GPATCH2L: variants seen among roughly 807,000 people sequenced by gnomAD.
The protein encoded by GPATCH2L is G patch domain-containing protein 2-like.
GPATCH2L carries 31 observed loss-of-function variants against 57.4 expected under a neutral mutation model. That is an observed-to-expected ratio of 0.54 (90% CI 0.41 to 0.73). GPATCH2L has a LOEUF of 0.73. GPATCH2L is among the 30% of genes least tolerant of loss of function. The pLI, the probability that GPATCH2L is intolerant of heterozygous loss-of-function variation, is 0.00. For missense variants in GPATCH2L, 481 were observed against 599.9 expected, an observed-to-expected ratio of 0.80 and a Z score of 2.07; for synonymous variants, 199 against 210.7, an observed-to-expected ratio of 0.94 and a Z score of 0.48.
intron 3 of GPATCH2L, among the ~76,000 whole-genome samples, chr14:76,169,620 C>T (rs1408035661): frequency 6.6e-6 from 1 of 152,156 alleles, no homozygotes; most frequent in African/African-American, 2.4e-5. Context: ...TCACAACGTT[C>T]CTTCTAGTTC....
chr14:76,176,488 T>A (rs2039333447), intron 5 of GPATCH2L, 135 bp from the exon 6 acceptor site: 7 of 649,056 alleles, frequency 1.1e-5, no homozygotes, highest in Non-Finnish European at 2.0e-5. Context: ...AGTTGCTGTT[T>A]TATTTTAAGA....
At chr14:76,173,867 C>T in intron 5 of GPATCH2L, 1 of 501,550 alleles carries the variant, frequency 2.0e-6, no homozygotes, top group Non-Finnish European at 3.6e-6. Context: ...ATTACAGTGT[C>T]TATTGCCTGT....
intron 1 of GPATCH2L, among the ~76,000 whole-genome samples, chr14:76,228,211 C>G (rs1050782021): frequency 2.6e-5 from 4 of 152,098 alleles, no homozygotes; most frequent in Non-Finnish European, 4.4e-5. Context: ...ATTGTTTCCT[C>G]TTTACCCTGA....
chr14:76,176,875 A>C (rs2039350328), intron 6 of GPATCH2L, among the ~76,000 whole-genome samples, 185 bp downstream of exon 6: 1 of 152,170 alleles, frequency 6.6e-6, no homozygotes, highest in Non-Finnish European at 1.5e-5. Flanking sequence ...TTTCCTTTCT[A>C]GACTAGTTTC....
chr14:76,154,564 A>G lies in GPATCH2L; in HGVS notation c.201A>G (p.Ser67=), dbSNP rs147501743. The change falls in exon 2 of 10, where the codon TCA becomes TCG. Residue 67 remains serine (S), a synonymous_variant. Coordinates refer to ENST00000261530, the MANE Select transcript of GPATCH2L (RefSeq NM_017926.4). This position sits in a 1 kb window ranked among gnomAD's most constrained non-coding sequence, Gnocchi z 4.4. The part of the protein sequence containing the change: ...HTCCYSEASE[S]SLDEATKDCR... ...GCTGCTACAGCGAGGCCTCTGAGTC[A>G]AGTCTGGATGAGGCCACTAAGGACT... The G allele has an allele frequency of 4.0e-4, 644 of 1,614,236 alleles. 1 individual carries two copies. The highest frequency in any genetic ancestry group is 6.6e-4 in the Middle Eastern group (4 of 6,062).
chr14:76,165,356 G>T (rs1412775130), intron 2 of GPATCH2L, among the ~76,000 whole-genome samples: 1 of 151,948 alleles, frequency 6.6e-6, no homozygotes, highest in East Asian at 1.9e-4. Context: ...GCTGGGTGTG[G>T]TGGTGCGCGC....
At chr14:76,186,826 T>C (rs570230193) in intron 8 of GPATCH2L, among the ~76,000 whole-genome samples, 2 of 152,304 alleles carry the variant, frequency 1.3e-5, no homozygotes, top group Non-Finnish European at 2.9e-5. Flanking sequence ...TTGGCTCTTA[T>C]GGGCGGCATG....
chr14:76,181,813 C>T (rs2039569673), intron 8 of GPATCH2L, among the ~76,000 whole-genome samples: 1 of 152,198 alleles, frequency 6.6e-6, no homozygotes, highest in African/African-American at 2.4e-5. Flanking sequence ...TCTGGTGGCA[C>T]AAAGAATTTC....
chr14:76,232,787 T>C (rs2040579255), intron 2 of GPATCH2L, among the ~76,000 whole-genome samples: 1 of 152,166 alleles, frequency 6.6e-6, no homozygotes, highest in Non-Finnish European at 1.5e-5. Context: ...CACTGATATG[T>C]AACAATGCAC....
rs137940794 is a variant in GPATCH2L, at chr14:76,177,243, G to A, written c.1052+553G>A. On this transcript the variant is annotated intron_variant, in intron 6 of 9. Transcript: ENST00000261530. ...GTATTTTTTGTAGAGACAGAGTTTAGCCATGTTGTTCAGGCTGGTCTTGAA... is the reference window on the plus strand; with the variant it reads ...GTATTTTTTGTAGAGACAGAGTTTAACCATGTTGTTCAGGCTGGTCTTGAA... Among the ~76,000 whole-genome samples, 912 of 152,116 alleles carry A rather than the reference G, an allele frequency of 6.0e-3. 5 individuals carry two copies. The highest frequency in any genetic ancestry group is 0.02 in the Middle Eastern group (6 of 294).
downstream of GPATCH2L, among the ~76,000 whole-genome samples, chr14:76,218,002 T>C (rs753326333): frequency 4.6e-5 from 7 of 152,194 alleles, no homozygotes; most frequent in African/African-American, 1.7e-4. Context: ...TAATTTACCA[T>C]GGCTAAATGA....
intron 8 of GPATCH2L, among the ~76,000 whole-genome samples, chr14:76,190,302 T>C (rs2039920333): frequency 6.6e-6 from 1 of 152,124 alleles, no homozygotes; most frequent in Non-Finnish European, 1.5e-5. Context: ...ATTTCAGCAT[T>C]CACCTTCACA....
intron 1 of GPATCH2L, among the ~76,000 whole-genome samples, chr14:76,223,108 T>C (rs1304001474): frequency 6.6e-6 from 1 of 152,116 alleles, no homozygotes; most frequent in African/African-American, 2.4e-5. Context: ...TTTGAAATAA[T>C]ACAAAAAGAA....
At chr14:76,228,023 G>A (rs2139873139) in intron 1 of GPATCH2L, among the ~76,000 whole-genome samples, 1 of 152,184 alleles carries the variant, frequency 6.6e-6, no homozygotes, top group East Asian at 1.9e-4. Context: ...GGACAACCTG[G>A]AGCTTTCCAG....
At chr14:76,233,294 C>G (rs957306636) in intron 2 of GPATCH2L, among the ~76,000 whole-genome samples, 3 of 152,200 alleles carry the variant, frequency 2.0e-5, no homozygotes, top group African/African-American at 7.2e-5. Flanking sequence ...CAGCAGGTAT[C>G]AGAGCATCTG....
chr14:76,225,244 T>A (rs1367486122), intron 1 of GPATCH2L, among the ~76,000 whole-genome samples: 2 of 152,182 alleles, frequency 1.3e-5, no homozygotes, highest in African/African-American at 4.8e-5. Flanking sequence ...TAATACCATG[T>A]GGTATTGGTG....
At chr14:76,172,367 C>T (rs1420270882) in intron 4 of GPATCH2L, among the ~76,000 whole-genome samples, 1 of 152,172 alleles carries the variant, frequency 6.6e-6, no homozygotes, top group African/African-American at 2.4e-5. Flanking sequence ...TCAATAAGAA[C>T]ATTCACATAC....
At chr14:76,233,142 G>A (rs762972650) in intron 2 of GPATCH2L, among the ~76,000 whole-genome samples, 1 of 152,214 alleles carries the variant, frequency 6.6e-6, no homozygotes, top group Non-Finnish European at 1.5e-5. Context: ...TTTCCATTTT[G>A]AGGGTCAATT....
chr14:76,179,609 G>C (rs2039478693), intron 7 of GPATCH2L: 1 of 152,230 alleles, frequency 6.6e-6, no homozygotes, highest in Non-Finnish European at 1.5e-5. Context: ...CTCTGTGGCA[G>C]ATAGAACAGT....
Sources: allele counts gnomAD v4.1 joint callset (sites outside exome capture counted in the v4.1 genomes callset), GRCh38; gene constraint gnomAD v4.1.1; non-coding constraint Gnocchi (gnomAD v3.1); transcripts MANE v1.5; gene names NCBI Gene and HGNC (gene_info 2026-07-23, HGNC 2026-07-21).